CACNG7: variants seen among roughly 807,000 people sequenced by gnomAD.
CACNG7 encodes the protein calcium voltage-gated channel auxiliary subunit gamma 7.
CACNG7 carries 9 observed loss-of-function variants against 26.3 expected under a neutral mutation model. The ratio of observed to expected loss-of-function variants is 0.34; its 90% CI spans 0.21 to 0.60. The LOEUF is 0.60. Ranked by LOEUF, CACNG7 falls within the 20% of genes least tolerant of loss-of-function variation. The probability of loss-of-function intolerance (pLI) is 0.81; values close to 1 mark genes in which losing one functional copy is unlikely to be tolerated. For synonymous variants in CACNG7, 170 were observed against 157.0 expected, an observed-to-expected ratio of 1.08 and a Z score of -0.62; for missense variants, 297 against 380.4, an observed-to-expected ratio of 0.78 and a Z score of 1.82.
chr19:53,938,160 A>C (rs1469547174), intron 4 of CACNG7, among the ~76,000 whole-genome samples: 4 of 152,102 alleles, frequency 2.6e-5, no homozygotes, highest in Non-Finnish European at 5.9e-5. Flanking sequence ...CAGCCTGGGC[A>C]ACATGGGGAG....
At chr19:53,937,003 G>A (rs1285018951) in intron 4 of CACNG7, among the ~76,000 whole-genome samples, 1 of 152,082 alleles carries the variant, frequency 6.6e-6, no homozygotes, top group African/African-American at 2.4e-5. Context: ...GAACTCCTAG[G>A]CTCGAGGGAT....
chr19:53,927,709 G>A (rs1190663447), intron 4 of CACNG7, among the ~76,000 whole-genome samples: 1 of 151,860 alleles, frequency 6.6e-6, no homozygotes, highest in East Asian at 1.9e-4. Context: ...CTGGTGGCAG[G>A]CGCCTGTAAT....
chr19:53,922,399 G>C (rs2068967993), intron 4 of CACNG7, among the ~76,000 whole-genome samples: 1 of 126,384 alleles, frequency 7.9e-6, no homozygotes, highest in African/African-American at 3.3e-5. Flanking sequence ...GTTGTCCCCA[G>C]GCCTGGTCAT....
At position 53,911,491 on chromosome 19, in the gene CACNG7, C is replaced by G. The variant is rs188388785; in HGVS notation, c.-29-1312C>G. Among the ~76,000 whole-genome samples, 382 of 152,270 alleles carry G rather than the reference C, an allele frequency of 2.5e-3. 1 individual carries two copies. The highest frequency in any genetic ancestry group is 3.0e-3 in the Non-Finnish European group (201 of 68,010). ...CAGGATTCCAGGTCCAGGAGCCTGC[C>G]TAGATCTGGGAGGGTGGAATTAGGG... On this transcript the variant is annotated intron_variant, in intron 1 of 5. Coordinates refer to ENST00000391767, the MANE Select transcript of CACNG7 (RefSeq NM_031896.5).
intron 4 of CACNG7, among the ~76,000 whole-genome samples, chr19:53,933,177 G>A (rs1203543251): frequency 1.3e-5 from 2 of 151,418 alleles, no homozygotes; most frequent in African/African-American, 2.4e-5. Context: ...GTGCAATCTC[G>A]GCTCACTGCA....
Position 53,910,539 on chromosome 19 carries a change from A to AG in CACNG7, c.-30+1026dup, listed in dbSNP as rs2068855982. 2.6e-5 allele frequency among the ~76,000 whole-genome samples: 4 copies of AG among 152,164 alleles called. No homozygotes were observed. The South Asian group carries it at 8.3e-4, about 32-fold the overall frequency. On this transcript the variant is annotated intron_variant, in intron 1 of 5. Coordinates refer to ENST00000391767, the MANE Select transcript of CACNG7 (RefSeq NM_031896.5). ...GATTAGTTTGTAGGGGAGAATGTTGAGGGGTCTCAACCTTCATAGTTAAAA... is the reference window on the plus strand; with the variant it reads ...GATTAGTTTGTAGGGGAGAATGTTGAGGGGGTCTCAACCTTCATAGTTAAAA...
In CACNG7 at chr19:53,942,559, C is replaced by G; in HGVS notation, c.*266C>G. The G allele has an allele frequency of 7.3e-7, 1 of 1,368,496 alleles. No homozygotes were observed. 84.8% of individuals were successfully genotyped at this position (1,368,496 alleles called of 1,614,324 possible). A position where few individuals can be genotyped will look rare whatever the true frequency, so the allele number is the denominator to read the frequency against. ...TCCCCTTCGTTGGCCCGCCCCTTTC[C>G]TCTGGCCCCTCCTCTCCAAGAAAAT... On this transcript the variant is annotated 3_prime_UTR_variant, in exon 6 of 6. Transcript: ENST00000391767. The surrounding 1 kb of genome is among the most constrained non-coding windows in gnomAD (Gnocchi z 5.9).
At chr19:53,915,026 G>A (rs1297144036) in intron 3 of CACNG7, among the ~76,000 whole-genome samples, 1 of 145,322 alleles carries the variant, frequency 6.9e-6, no homozygotes, top group Non-Finnish European at 1.5e-5. Flanking sequence ...ATAAATAAAA[G>A]GAAGGAAGAA....
chr19:53,925,203 TGGACTTGCCCCAGGCTGGTCATTGGC>T (rs2069017035), intron 4 of CACNG7, among the ~76,000 whole-genome samples: 1 of 134,802 alleles, frequency 7.4e-6, no homozygotes, highest in Admixed American at 7.3e-5. Context: ...TGGTCATTGG[TGGACTTGCCCCAGGCTGGTCATTGGC>T]GGACTTGCCC....
chr19:53,926,703 A>G (rs1417500469), intron 4 of CACNG7, among the ~76,000 whole-genome samples: 1 of 152,082 alleles, frequency 6.6e-6, no homozygotes, highest in Non-Finnish European at 1.5e-5. Context: ...ACTTGAGGTC[A>G]GGAGTTCGAG....
chr19:53,915,526 G>T (rs1426771451), intron 4 of CACNG7, 21 bp downstream of exon 4: 12 of 1,612,898 alleles, frequency 7.4e-6, no homozygotes, highest in Admixed American at 5.0e-5. Context: ...GGACTTGGGG[G>T]TTGGGGGGGA....
intron 2 of CACNG7, 28 bp downstream of exon 2, chr19:53,913,055 A>G (rs939679965): frequency 2.5e-6 from 4 of 1,590,592 alleles, no homozygotes; most frequent in African/African-American, 2.7e-5. Flanking sequence ...CTTCCACTCA[A>G]CAGTTTCTGC....
intron 4 of CACNG7, among the ~76,000 whole-genome samples, chr19:53,917,535 A>C (rs1156416419): frequency 1.3e-5 from 2 of 152,148 alleles, no homozygotes; most frequent in Non-Finnish European, 2.9e-5. Context: ...CCATGCCTTC[A>C]ACCTAACCTG....
chr19:53,914,563 C>T lies in CACNG7; in HGVS notation c.260C>T (p.Thr87Met), dbSNP rs767743454. ...YFLEPEINLV[T>M]ENTENILKTV... is the part of the protein sequence containing the mutation. ...CTTGAACCGGAGATCAATTTGGTGA[C>T]GGAAAACACGGAGAATATTCTGAGT... Residue 87 changes from threonine to methionine, a missense_variant, in exon 3 of 6, where the codon ACG becomes ATG. Transcript: ENST00000391767. 2.5e-4 allele frequency: 411 copies of T among 1,613,854 alleles called. No homozygotes were observed. The highest frequency in any genetic ancestry group is 3.0e-4 in the Non-Finnish European group (353 of 1,179,974).
chr19:53,930,074 C>CAAAAAAAA (rs35004784), intron 4 of CACNG7, among the ~76,000 whole-genome samples: 1 of 92,570 alleles, frequency 1.1e-5, no homozygotes, highest in African/African-American at 3.7e-5. Context: ...CTACATGCTA[C>CAAAAAAAA]AAAAAAAAAA....
chr19:53,930,119 A>C (rs955545703), intron 4 of CACNG7, among the ~76,000 whole-genome samples: 1 of 145,676 alleles, frequency 6.9e-6, no homozygotes, highest in Admixed American at 6.9e-5. Flanking sequence ...AGTGATGGGG[A>C]GGGGTTATTA....
At position 53,913,032 on chromosome 19, in the gene CACNG7, A is replaced by G. The variant is rs1357195606; in HGVS notation, c.196+5A>G. Reference sequence around the variant, plus strand: ...GGCGAGTCTGCTTCTTTGCAGGTACAGCCCTCACCCGTCTTCCACTCAACA... The same window carrying G: ...GGCGAGTCTGCTTCTTTGCAGGTACGGCCCTCACCCGTCTTCCACTCAACA... On this transcript the variant is annotated splice_donor_5th_base_variant and intron_variant, in intron 2 of 5. Transcript: ENST00000391767. 6.2e-7 allele frequency: 1 copy of G among 1,604,516 alleles called. No individual in the cohort carries two copies. The highest frequency in any genetic ancestry group is 1.7e-5 in the Admixed American group (1 of 59,796).
chr19:53,909,860 G>A lies in CACNG7; in HGVS notation c.-30+343G>A, dbSNP rs998335449. Reference sequence around the variant, plus strand: ...CCAGAGCAGGATGTGGGTCTGGAAAGGGGTCCCAGAAAGGGGGAGTTACGG... The same window carrying A: ...CCAGAGCAGGATGTGGGTCTGGAAAAGGGTCCCAGAAAGGGGGAGTTACGG... On this transcript the variant is annotated intron_variant, in intron 1 of 5. Transcript: ENST00000391767. This position sits in a 1 kb window ranked among gnomAD's most constrained non-coding sequence, Gnocchi z 5.1. 2.6e-5 allele frequency among the ~76,000 whole-genome samples: 4 copies of A among 152,290 alleles called. 1 individual carries two copies. The highest frequency in any genetic ancestry group is 4.4e-5 in the Non-Finnish European group (3 of 68,022).
chr19:53,914,802 A>G (rs141406357), intron 3 of CACNG7, among the ~76,000 whole-genome samples: 35,047 of 151,406 alleles, frequency 0.23, 4,283 homozygotes, highest in African/African-American at 0.31. Context: ...AGGAGTTCGA[A>G]ACCAGCCTGG....
Sources: gnomAD v4.1 joint callset for allele counts (sites outside exome capture counted in the v4.1 genomes callset) on GRCh38, gnomAD v4.1.1 for gene constraint, Gnocchi (gnomAD v3.1) non-coding constraint, MANE v1.5 for transcripts, NCBI Gene and HGNC (gene_info 2026-07-23, HGNC 2026-07-21) for gene names.